The following AGL variants were observed in gnomAD, a reference collection of about 807,000 sequenced individuals.
AGL encodes the protein amylo-alpha-1,6-glucosidase and 4-alpha-glucanotransferase.
AGL carries 128 observed loss-of-function variants against 199.3 expected under a neutral mutation model. The observed-to-expected ratio is 0.64, with a 90% confidence interval of 0.56 to 0.74. The LOEUF (loss-of-function observed/expected upper bound fraction) is 0.74. AGL is among the 30% of genes least tolerant of loss of function. The probability of loss-of-function intolerance (pLI) is 0.00; values close to 1 mark genes in which losing one functional copy is unlikely to be tolerated. For missense variants in AGL, 1,809 were observed against 1,820.8 expected (o/e 0.99, Z 0.12); for synonymous variants, 584 against 594.7 (o/e 0.98, Z 0.26).
rs1655043718 is a variant in AGL, at chr1:99,915,433, G to T, written c.4206G>T (p.Glu1402Asp). The T allele has an allele frequency of 6.2e-7, 1 of 1,613,758 alleles. No homozygotes were observed. The highest frequency in any genetic ancestry group is 8.5e-7 in the Non-Finnish European group (1 of 1,179,914). Residue 1402 changes from glutamate (E) to aspartate (D), a missense_variant, in exon 31 of 34, where the codon GAG becomes GAT. Physicochemically the swap from Glu to Asp is conservative, Grantham distance 45 (BLOSUM62 2). Coordinates refer to ENST00000361915, the MANE Select transcript of AGL (RefSeq NM_000642.3). ...FTTEKAWKAL[E>D]IAEKKLLGPL... ...CAGAAAAAGCATGGAAAGCTTTGGAGATTGCAGAAAAAAAATTGCTTGGTC... is the reference window on the plus strand; with the variant it reads ...CAGAAAAAGCATGGAAAGCTTTGGATATTGCAGAAAAAAAATTGCTTGGTC...
chr1:99,882,136 CAAAA>C (rs761262994), intron 17 of AGL, among the ~76,000 whole-genome samples: 3 of 60,602 alleles, frequency 5.0e-5, no homozygotes, highest in Admixed American at 3.7e-4. Flanking sequence ...GACCCTATCT[CAAAA>C]AAAAAAAAAA....
chr1:99,860,359 T>C (rs531479300), intron 2 of AGL, among the ~76,000 whole-genome samples: 4 of 152,210 alleles, frequency 2.6e-5, no homozygotes, highest in African/African-American at 9.6e-5. Context: ...AACTAAACTT[T>C]CCTGCCTCAT....
intron 11 of AGL, among the ~76,000 whole-genome samples, chr1:99,877,391 G>T (rs552200639): frequency 2.0e-5 from 3 of 152,106 alleles, no homozygotes; most frequent in Non-Finnish European, 4.4e-5. Flanking sequence ...CTTATGATGC[G>T]ACTTGGGTTT....
chr1:99,913,820 T>C (rs1260844702), intron 30 of AGL, 82 bp downstream of exon 30: 2 of 1,332,052 alleles, frequency 1.5e-6, no homozygotes, highest in Admixed American at 1.7e-5. Flanking sequence ...TGTTTTCAAA[T>C]TCACTTCATT....
Position 99,899,526 on chromosome 1 carries a change from CTCTT to C in AGL, c.3363-1106_3363-1103del, listed in dbSNP as rs1260811426. On this transcript the variant is annotated intron_variant, in intron 25 of 33. Transcript: ENST00000361915. ...TTGTTTTCTTTCTCTCTCTCTCTCT[CTCTT>C]TCTCTCTCTCTTTCTCTCTCTCTCT... Among the ~76,000 whole-genome samples the C allele has an allele frequency of 5.1e-3, 704 of 137,896 alleles. 1 individual carries two copies. Among genetic ancestry groups the C allele is most frequent in the African/African-American group, 0.017 (582 of 34,810 alleles). The allele number at this position is 137,896 out of a possible 152,430, so 90.5% of individuals were successfully genotyped here.
intron 29 of AGL, 142 bp from the exon 30 acceptor site, chr1:99,913,385 C>A: frequency 1.4e-6 from 1 of 710,704 alleles, no homozygotes; most frequent in Non-Finnish European, 2.4e-6. Context: ...CATCTCAATT[C>A]AGACTGGCCA....
At chr1:99,900,581 T>C in intron 25 of AGL, 55 bp from the exon 26 acceptor site, 1 of 1,533,588 alleles carries the variant, frequency 6.5e-7, no homozygotes, top group Non-Finnish European at 9.0e-7. Context: ...GGTTTTTGTC[T>C]TCAATTTTTA....
rs746920709 is a variant in AGL, at chr1:99,861,678, A to G, written c.258A>G (p.Gln86=). The G allele has an allele frequency of 6.2e-7, 1 of 1,613,788 alleles. No homozygotes were observed. Among genetic ancestry groups the G allele is most frequent in the Non-Finnish European group, 8.5e-7 (1 of 1,179,744 alleles). The change falls in exon 3 of 34, where the codon CAA becomes CAG. Residue 86 remains glutamine, a synonymous_variant. Transcript: ENST00000361915. The stretch of plus-strand genomic sequence containing the variant: ...ATAAATACTGTAAACTTAATCTGCA[A>G]CAATCTGGTTCATTTCAGTATTATT... ...DSDKYCKLNL[Q]QSGSFQYYFL...
rs767354759 is a variant in AGL at position 99,875,149 on chromosome 1, T to C, written c.1083-5T>C. 6.2e-7 allele frequency: 1 copy of C among 1,612,510 alleles called. No individual in the cohort carries two copies. The highest frequency in any genetic ancestry group is 8.5e-7 in the Non-Finnish European group (1 of 1,178,586). ...ATTATATCTGCATTTCTCCATCTGC[T>C]CTAGCAAGGGGCCAGCAGCAATTGA... On this transcript the variant is annotated splice_region_variant and splice_polypyrimidine_tract_variant and intron_variant, in intron 8 of 33. Transcript: ENST00000361915.
intron 33 of AGL, among the ~76,000 whole-genome samples, chr1:99,918,155 T>A (rs1225971644): frequency 6.6e-6 from 1 of 152,236 alleles, no homozygotes; most frequent in Non-Finnish European, 1.5e-5. Flanking sequence ...ATATTTTCAC[T>A]ATGTATAGAA....
At chr1:99,912,273 C>T (rs1654800650) in intron 28 of AGL, 132 bp from the exon 29 acceptor site, 2 of 728,164 alleles carry the variant, frequency 2.7e-6, no homozygotes, top group South Asian at 3.6e-5. Flanking sequence ...GTACACATTC[C>T]TATAGAGTAA....
In AGL at chr1:99,862,310, G is replaced by A. The variant is rs765576886; in HGVS notation, c.347G>A (p.Gly116Asp). 3.7e-6 allele frequency: 6 copies of A among 1,613,944 alleles called. No individual in the cohort carries two copies. The highest frequency in any genetic ancestry group is 2.7e-5 in the African/African-American group (2 of 74,898). ...GTTGTGGACCCCATTTTACGTGTTGGTGCTGATAATCATGTGCTACCCTTG... is the reference window on the plus strand; with the variant it reads ...GTTGTGGACCCCATTTTACGTGTTGATGCTGATAATCATGTGCTACCCTTG... ...YIVVDPILRV[G>D]ADNHVLPLDC... Residue 116 changes from glycine to aspartate, a missense_variant, in exon 4 of 34, where the codon GGT becomes GAT. Gly to Asp is a moderately conservative substitution (Grantham distance 94). Coordinates refer to ENST00000361915, the MANE Select transcript of AGL (RefSeq NM_000642.3).
At position 99,862,233 on chromosome 1, in the gene AGL, T is replaced by G. The variant is rs1177767363; in HGVS notation, c.294-24T>G. On this transcript the variant is annotated intron_variant, in intron 3 of 33. Transcript: ENST00000361915. ...TTTTTTTCTATCACTGACTGAAAAG[T>G]TTTTGTTTTGTTTTTTCCCTTAGAA... The G allele has an allele frequency of 1.9e-6, 3 of 1,613,558 alleles. No homozygotes were observed. In the South Asian group the frequency reaches 3.3e-5, roughly 18 times the overall value.
intron 12 of AGL, among the ~76,000 whole-genome samples, chr1:99,878,113 T>C (rs911276518): frequency 6.6e-6 from 1 of 152,232 alleles, no homozygotes; most frequent in African/African-American, 2.4e-5. Context: ...TATTGGCTAC[T>C]GTGAATACAT....
rs543351175 is a variant in AGL at position 99,865,166 on chromosome 1, A to AT, written c.664+577_664+578insT. 4.5e-3 allele frequency among the ~76,000 whole-genome samples: 686 copies of AT among 151,088 alleles called. 3 individuals carry two copies. Among genetic ancestry groups the AT allele is most frequent in the East Asian group, 0.015 (79 of 5,142 alleles). The stretch of plus-strand genomic sequence containing the variant: ...CAGATAAAAAAACACAAAATATCAA[A>AT]ATATATATATATATAGGGTTTCATA... On this transcript the variant is annotated intron_variant, in intron 5 of 33. Coordinates refer to ENST00000361915, the MANE Select transcript of AGL (RefSeq NM_000642.3).
chr1:99,882,252 T>G (rs1184825570), intron 17 of AGL, among the ~76,000 whole-genome samples: 1 of 152,206 alleles, frequency 6.6e-6, no homozygotes, highest in African/African-American at 2.4e-5. Context: ...GTGAAATATT[T>G]TTGTTTATAT....
chr1:99,849,584 T>C (rs140373048), upstream of AGL, among the ~76,000 whole-genome samples: 29 of 152,318 alleles, frequency 1.9e-4, no homozygotes, highest in East Asian at 5.6e-3. Flanking sequence ...GTTTGCAGAC[T>C]GGCCACACCT....
chr1:99,921,754 A>G lies in AGL; in HGVS notation c.*103A>G. On this transcript the variant is annotated 3_prime_UTR_variant, in exon 34 of 34. Coordinates refer to ENST00000361915, the MANE Select transcript of AGL (RefSeq NM_000642.3). ...AGGCTCAAGTTGTTTTAAAAATCTC[A>G]TTTATTATAATATTGATGCTCAATT... 2 of 733,320 alleles carry G rather than the reference A, an allele frequency of 2.7e-6. No homozygotes were observed. The highest frequency in any genetic ancestry group is 2.3e-6 in the Non-Finnish European group (1 of 439,974). 45.4% of individuals were successfully genotyped at this position (733,320 alleles called of 1,614,324 possible).
In AGL at chr1:99,870,096, G is replaced by A. The variant is rs555356731; in HGVS notation, c.665-304G>A. Among the ~76,000 whole-genome samples, 159 of 151,788 alleles carry A rather than the reference G, an allele frequency of 1.0e-3. 4 individuals carry two copies. Among genetic ancestry groups the A allele is most frequent in the Admixed American group, 0.01 (157 of 15,236 alleles). On this transcript the variant is annotated intron_variant, in intron 5 of 33. Coordinates refer to ENST00000361915, the MANE Select transcript of AGL (RefSeq NM_000642.3). ...CTTTTATCCAACTTATCAAAACAACGTATTTCATTAACACTTTAGGATGAG... is the reference window on the plus strand; with the variant it reads ...CTTTTATCCAACTTATCAAAACAACATATTTCATTAACACTTTAGGATGAG...
Sources: gnomAD v4.1 joint callset for allele counts (sites outside exome capture counted in the v4.1 genomes callset) on GRCh38, gnomAD v4.1.1 for gene constraint, MANE v1.5 for transcripts, NCBI Gene and HGNC (gene_info 2026-07-23, HGNC 2026-07-21) for gene names.